MED13L: variants seen among roughly 807,000 people sequenced by gnomAD.
The protein encoded by MED13L is mediator of RNA polymerase II transcription subunit 13-like.
MED13L carries 7 observed loss-of-function variants against 220.9 expected under a neutral mutation model. The observed-to-expected ratio is 0.03, with a 90% CI of 0.02 to 0.06. The LOEUF (loss-of-function observed/expected upper bound fraction) is 0.06, where lower values mean the gene tolerates loss of function less well. Among genes scored for constraint, MED13L ranks in the 10% least tolerant of loss-of-function variants. The probability of loss-of-function intolerance (pLI) is 1.00; values close to 1 mark genes in which losing one functional copy is unlikely to be tolerated. For synonymous variants in MED13L, 1,011 were observed against 1,015.2 expected, an observed-to-expected ratio of 1.00 and a Z score of 0.08; for missense variants, 1,965 against 2,760.5, an observed-to-expected ratio of 0.71 and a Z score of 6.46.
At chr12:116,139,463 T>C (rs927479928) in intron 2 of MED13L, among the ~76,000 whole-genome samples, 6 of 152,182 alleles carry the variant, frequency 3.9e-5, no homozygotes, top group African/African-American at 1.4e-4. Context: ...TGATCCCAGT[T>C]CAAAATTGAA....
rs541484056 is a variant in MED13L at position 115,972,583 on chromosome 12, T to C, written c.5732-347A>G. The C allele has an allele frequency of 9.0e-6, 3 of 334,180 alleles. No individual in the cohort carries two copies. In the East Asian group the frequency reaches 2.2e-4, roughly 25 times the overall value. 20.7% of individuals were successfully genotyped at this position (334,180 alleles called of 1,614,324 possible). ...TTAGCTGCCCTATCCTTTCTCCTCC[T>C]TCTCAAGGTCCGATTCTTTCAGTAC... On this transcript the variant is annotated intron_variant, in intron 25 of 30. Coordinates refer to ENST00000281928, the MANE Select transcript of MED13L (RefSeq NM_015335.5).
intron 1 of MED13L, among the ~76,000 whole-genome samples, chr12:116,250,893 G>A (rs1182888532): frequency 2.0e-5 from 3 of 150,366 alleles, no homozygotes; most frequent in Non-Finnish European, 4.4e-5. Context: ...GATATAGAAA[G>A]AAGAAAAAAA....
chr12:116,185,885 A>G (rs1880866690), intron 2 of MED13L, among the ~76,000 whole-genome samples: 1 of 152,098 alleles, frequency 6.6e-6, no homozygotes, highest in Non-Finnish European at 1.5e-5. Context: ...TGGTAGACTC[A>G]GGGCTTCACC....
At chr12:116,008,025 T>C (rs1879160944) in intron 10 of MED13L, 1 of 330,482 alleles carries the variant, frequency 3.0e-6, no homozygotes, top group African/African-American at 2.1e-5. Context: ...ACTAGATACA[T>C]GATACATACA....
intron 1 of MED13L, among the ~76,000 whole-genome samples, chr12:116,239,774 T>G (rs758279688): frequency 1.3e-5 from 2 of 152,186 alleles, no homozygotes; most frequent in Non-Finnish European, 2.9e-5. Context: ...CCAATACAAA[T>G]AGCCACCTCC....
chr12:116,134,314 G>A (rs751137083), intron 2 of MED13L, among the ~76,000 whole-genome samples: 6 of 152,102 alleles, frequency 3.9e-5, no homozygotes, highest in African/African-American at 7.2e-5. Context: ...AAAGGCACCC[G>A]ATTTCATTTT....
chr12:116,222,861 C>A (rs1408543337), intron 2 of MED13L, among the ~76,000 whole-genome samples: 1 of 152,148 alleles, frequency 6.6e-6, no homozygotes, highest in African/African-American at 2.4e-5. Context: ...AAAATATGTA[C>A]ACTAACACTA....
chr12:116,091,321 C>G (rs1023098513), intron 4 of MED13L, among the ~76,000 whole-genome samples: 1 of 151,610 alleles, frequency 6.6e-6, no homozygotes, highest in African/African-American at 2.4e-5. Flanking sequence ...ACTAATAGCA[C>G]AAATGAAAAA....
intron 23 of MED13L, among the ~76,000 whole-genome samples, chr12:115,976,239 T>C (rs1395185351): frequency 1.3e-5 from 2 of 152,144 alleles, no homozygotes; most frequent in African/African-American, 4.8e-5. Context: ...TTAATCACAA[T>C]AGCTCCAAAC....
intron 4 of MED13L, among the ~76,000 whole-genome samples, chr12:116,056,686 A>T (rs1446369542): frequency 1.3e-5 from 2 of 152,208 alleles, no homozygotes; most frequent in Non-Finnish European, 2.9e-5. Flanking sequence ...CCAAGAAGTA[A>T]TCAGGTGAAT....
At chr12:116,252,852 T>C (rs745460575) in intron 1 of MED13L, among the ~76,000 whole-genome samples, 1 of 152,028 alleles carries the variant, frequency 6.6e-6, no homozygotes, top group Non-Finnish European at 1.5e-5. Flanking sequence ...ACTAAAATGA[T>C]AGGGGAATTA....
At chr12:116,220,993 G>A (rs898126897) in intron 2 of MED13L, among the ~76,000 whole-genome samples, 4 of 152,044 alleles carry the variant, frequency 2.6e-5, no homozygotes, top group African/African-American at 7.2e-5. Flanking sequence ...ATCTCGATGC[G>A]GTAAAAGCTG....
At chr12:116,083,388 C>T (rs762301910) in intron 4 of MED13L, among the ~76,000 whole-genome samples, 124 of 118,956 alleles carry the variant, frequency 1.0e-3, no homozygotes, top group Non-Finnish European at 1.4e-3. Context: ...GAAGACAGAG[C>T]GAGACTGTCT....
chr12:116,016,699 T>C (rs930826014), intron 7 of MED13L, among the ~76,000 whole-genome samples: 12 of 152,162 alleles, frequency 7.9e-5, no homozygotes, highest in African/African-American at 2.7e-4. Context: ...GGCACTTAAA[T>C]GACTGAACTA....
In MED13L at chr12:116,020,322, C is replaced by A. The variant is rs192025557; in HGVS notation, c.626-350G>T. On this transcript the variant is annotated intron_variant, in intron 5 of 30. Transcript: ENST00000281928. ...TAAACGAAATAAAATATGGATAGTA[C>A]AATGTTATCAGACAGCTATGCTTTG... is the stretch of plus-strand genomic sequence containing the variant. Among the ~76,000 whole-genome samples, 445 of 152,176 alleles carry A rather than the reference C, an allele frequency of 2.9e-3. 2 individuals carry two copies. Among genetic ancestry groups the A allele is most frequent in the African/African-American group, 0.01 (430 of 41,530 alleles).
chr12:116,169,948 T>C (rs1879551431), intron 2 of MED13L, among the ~76,000 whole-genome samples: 1 of 152,120 alleles, frequency 6.6e-6, no homozygotes, highest in Non-Finnish European at 1.5e-5. Context: ...GCCCAGTAGT[T>C]CAAAGCTGCG....
intron 2 of MED13L, 120 bp downstream of exon 2, chr12:116,237,348 G>A: frequency 1.2e-6 from 1 of 817,178 alleles, no homozygotes; most frequent in Non-Finnish European, 2.0e-6. Flanking sequence ...TTTTGAGAGA[G>A]ACATCCATGA....
In MED13L at chr12:116,031,714, A is replaced by AGAAAAG. The variant is rs1566020540; in HGVS notation, c.480-9119_480-9114dup. ...AGAAAAGAAAAGAAAAGAAAAGAAA[A>AGAAAAG]GAAAAGAAAAGAAAAGAAAAGAAAA... On this transcript the variant is annotated intron_variant, in intron 4 of 30. Coordinates refer to ENST00000281928, the MANE Select transcript of MED13L (RefSeq NM_015335.5). 5.6e-5 allele frequency among the ~76,000 whole-genome samples: 4 copies of AGAAAAG among 70,980 alleles called. 1 individual carries two copies. The highest frequency in any genetic ancestry group is 1.0e-4 in the Non-Finnish European group (4 of 38,532). The allele number at this position is 70,980 out of a possible 152,430, so 46.6% of individuals were successfully genotyped here. A position where few individuals can be genotyped will look rare whatever the true frequency, so the allele number is the denominator to read the frequency against.
At chr12:116,119,838 A>AAATATAT (rs1555213242) in intron 2 of MED13L, among the ~76,000 whole-genome samples, 7 of 31,586 alleles carry the variant, frequency 2.2e-4, no homozygotes, top group South Asian at 1.1e-3. Context: ...AAAAAAAAAA[A>AAATATAT]ATATATATAT....
Sources: allele counts gnomAD v4.1 joint callset (sites outside exome capture counted in the v4.1 genomes callset), GRCh38; gene constraint gnomAD v4.1.1; transcripts MANE v1.5; gene names NCBI Gene and HGNC (gene_info 2026-07-23, HGNC 2026-07-21).